NCAM2: variants seen among roughly 807,000 people sequenced by gnomAD.
NCAM2 encodes N-CAM-2.
In NCAM2, 30 loss-of-function variants were observed where a neutral mutation model predicts 98.1. The ratio of observed to expected loss-of-function variants is 0.31; its 90% CI spans 0.23 to 0.41. The LOEUF is 0.41. Ranked by LOEUF, NCAM2 falls within the 10% of genes least tolerant of loss-of-function variation. NCAM2 has a pLI of 1.00. For synonymous variants in NCAM2, 368 were observed against 342.4 expected (o/e 1.07, Z -0.83); for missense variants, 867 against 1,005.8 (o/e 0.86, Z 1.87).
intron 1 of NCAM2, among the ~76,000 whole-genome samples, chr21:21,104,337 G>C (rs1158108204): frequency 6.6e-6 from 1 of 152,088 alleles, no homozygotes; most frequent in African/African-American, 2.4e-5. Context: ...AAATACATAG[G>C]ATGGAAAAAT....
intron 12 of NCAM2, among the ~76,000 whole-genome samples, chr21:21,436,553 C>T (rs554725576): frequency 1.1e-4 from 17 of 151,864 alleles, no homozygotes; most frequent in Non-Finnish European, 2.5e-4. Flanking sequence ...AGGATTTTTT[C>T]TCCTAGTTTA....
intron 1 of NCAM2, among the ~76,000 whole-genome samples, chr21:21,092,139 CA>C (rs1450179244): frequency 6.6e-6 from 1 of 151,998 alleles, no homozygotes; most frequent in Admixed American, 6.6e-5. Flanking sequence ...CCTGTGATCA[CA>C]AGGGTCTGTT....
intron 1 of NCAM2, among the ~76,000 whole-genome samples, chr21:21,116,407 G>T (rs2066560354): frequency 6.6e-6 from 1 of 152,118 alleles, no homozygotes; most frequent in Non-Finnish European, 1.5e-5. Context: ...TATATATGTA[G>T]CATATGAATA....
chr21:21,118,154 A>T (rs571585307), intron 1 of NCAM2, among the ~76,000 whole-genome samples: 1 of 152,314 alleles, frequency 6.6e-6, no homozygotes, highest in East Asian at 1.9e-4. Flanking sequence ...TGTTCTTCTA[A>T]TGAAGTTATT....
At chr21:21,012,296 A>G (rs555048706) in intron 1 of NCAM2, among the ~76,000 whole-genome samples, 10 of 152,198 alleles carry the variant, frequency 6.6e-5, no homozygotes, top group Non-Finnish European at 1.2e-4. Context: ...TAAGAACTAC[A>G]TAACATTAAT....
Position 21,031,883 on chromosome 21 carries a change from T to A in NCAM2, c.55+33265T>A, listed in dbSNP as rs567956162. ...TTTATTTGTAAAAGTAAAAGTTAAA[T>A]GTTTTATATTATTTCTGTGACTTAG... On this transcript the variant is annotated intron_variant, in intron 1 of 17. Coordinates refer to ENST00000400546, the MANE Select transcript of NCAM2 (RefSeq NM_004540.5). Among the ~76,000 whole-genome samples the A allele has an allele frequency of 4.6e-5, 7 of 152,276 alleles. No homozygotes were observed. The East Asian group carries it at 1.2e-3, about 25-fold the overall frequency.
chr21:21,330,024 G>T (rs78227461), intron 6 of NCAM2, among the ~76,000 whole-genome samples: 1 of 151,998 alleles, frequency 6.6e-6, no homozygotes, highest in Non-Finnish European at 1.5e-5. Flanking sequence ...CTCATAACTG[G>T]TTATTTGTTC....
chr21:21,230,813 A>G (rs925852126), intron 1 of NCAM2, among the ~76,000 whole-genome samples: 2 of 151,382 alleles, frequency 1.3e-5, no homozygotes, highest in African/African-American at 2.4e-5. Flanking sequence ...TGCATAAAAT[A>G]TACTTAGGTC....
In NCAM2 at chr21:21,126,932, G is replaced by GAA. The variant is rs539546804; in HGVS notation, c.55+128315_55+128316insAA. Among the ~76,000 whole-genome samples the GAA allele has an allele frequency of 3.2e-3, 480 of 151,942 alleles. 2 individuals carry two copies. The highest frequency in any genetic ancestry group is 0.011 in the African/African-American group (458 of 41,476). Reference sequence around the variant, plus strand: ...GCAAAGTGACGCTTTTACCTTCTAGGAGAAAAAGGTAGAAGTTAAAAAAAC... The same window carrying GAA: ...GCAAAGTGACGCTTTTACCTTCTAGGAAAGAAAAAGGTAGAAGTTAAAAAAAC... On this transcript the variant is annotated intron_variant, in intron 1 of 17. Transcript: ENST00000400546.
Position 21,254,234 on chromosome 21 carries a change from C to T in NCAM2, c.56-26344C>T, listed in dbSNP as rs570877593. On this transcript the variant is annotated intron_variant, in intron 1 of 17. Transcript: ENST00000400546. ...TTTATTTCTTAGACAGAATTTATAACATAAATGCTACTCATCTGCCACTTG... is the reference window on the plus strand; with the variant it reads ...TTTATTTCTTAGACAGAATTTATAATATAAATGCTACTCATCTGCCACTTG... Among the ~76,000 whole-genome samples the T allele has an allele frequency of 1.7e-4, 26 of 152,248 alleles. No homozygotes were observed. In the East Asian group the frequency reaches 4.6e-3, roughly 27 times the overall value.
At chr21:21,472,137 A>T (rs1435281746) in intron 14 of NCAM2, among the ~76,000 whole-genome samples, 1 of 151,906 alleles carries the variant, frequency 6.6e-6, no homozygotes, top group Non-Finnish European at 1.5e-5. Context: ...TTCTAATTTG[A>T]TGATAGCTAT....
At chr21:21,273,720 G>C (rs2072614917) in intron 1 of NCAM2, among the ~76,000 whole-genome samples, 1 of 152,170 alleles carries the variant, frequency 6.6e-6, no homozygotes, top group South Asian at 2.1e-4. Context: ...ATTAATTTGA[G>C]AGGGTTAGGG....
At chr21:21,498,300 CA>C (rs1199992896) in intron 15 of NCAM2, among the ~76,000 whole-genome samples, 5 of 151,746 alleles carry the variant, frequency 3.3e-5, no homozygotes, top group Non-Finnish European at 7.4e-5. Context: ...TTTAATATTC[CA>C]AAACTCATTT....
chr21:21,068,584 T>G (rs975964980), intron 1 of NCAM2, among the ~76,000 whole-genome samples: 6 of 151,104 alleles, frequency 4.0e-5, no homozygotes, highest in African/African-American at 1.5e-4. Context: ...CTCAGCCTCC[T>G]GAGTAGCTGG....
intron 1 of NCAM2, among the ~76,000 whole-genome samples, chr21:21,052,176 G>A (rs902825284): frequency 4.7e-4 from 23 of 48,790 alleles, no homozygotes; most frequent in African/African-American, 1.6e-3. Context: ...TTTTTTTTTT[G>A]AGACGGAGTC....
In NCAM2 at chr21:21,437,217, T is replaced by C. The variant is rs151100561; in HGVS notation, c.1654+4936T>C. On this transcript the variant is annotated intron_variant, in intron 12 of 17. Coordinates refer to ENST00000400546, the MANE Select transcript of NCAM2 (RefSeq NM_004540.5). ...CCAGTGGTATGCCGGGAGTTGTCGT[T>C]GTTGTTGTTATTGTTGTTTTTAAGG... Among the ~76,000 whole-genome samples the C allele has an allele frequency of 7.9e-5, 12 of 152,200 alleles. 1 individual carries two copies. The East Asian group carries it at 2.1e-3, about 27-fold the overall frequency.
At chr21:21,176,798 G>A (rs975712566) in intron 1 of NCAM2, among the ~76,000 whole-genome samples, 1 of 151,358 alleles carries the variant, frequency 6.6e-6, no homozygotes, top group African/African-American at 2.4e-5. Flanking sequence ...GTTTAAATCA[G>A]CATTTATCTG....
chr21:21,208,474 T>A (rs568622001), intron 1 of NCAM2, among the ~76,000 whole-genome samples: 1 of 152,292 alleles, frequency 6.6e-6, no homozygotes, highest in East Asian at 1.9e-4. Flanking sequence ...CTACAAAATG[T>A]CATAATTTTA....
intron 1 of NCAM2, among the ~76,000 whole-genome samples, chr21:21,238,383 G>A (rs921596584): frequency 3.9e-5 from 6 of 152,060 alleles, no homozygotes; most frequent in African/African-American, 1.4e-4. Flanking sequence ...TAGCCAAACA[G>A]TATTTATCTA....
Sources: allele counts gnomAD v4.1 joint callset (sites outside exome capture counted in the v4.1 genomes callset), GRCh38; gene constraint gnomAD v4.1.1; transcripts MANE v1.5; gene names NCBI Gene and HGNC (gene_info 2026-07-23, HGNC 2026-07-21).